Variants in RAD17 observed in about 807,000 individuals in gnomAD.
RAD17 encodes RAD17 checkpoint clamp loader component, also known as cell cycle checkpoint protein RAD17.
In RAD17, 31 loss-of-function variants were observed where a neutral mutation model predicts 81.5. That is an observed-to-expected ratio of 0.38 (90% confidence interval 0.29 to 0.51). The LOEUF is 0.51. RAD17 is among the 20% of genes least tolerant of loss of function. The pLI, the probability that RAD17 is intolerant of heterozygous loss-of-function variation, is 0.88. For missense variants in RAD17, 681 were observed against 781.2 expected, an observed-to-expected ratio of 0.87 and a Z score of 1.53; for synonymous variants, 261 against 266.2, an observed-to-expected ratio of 0.98 and a Z score of 0.19.
Position 69,371,048 on chromosome 5 carries a change from G to A in RAD17, c.-403G>A, listed in dbSNP as rs1762939649. ...CTTCGTCCACAGCAAGTGAATTCAT[G>A]GTATTTTACTTTTTTGGGAAATACT... On this transcript the variant is annotated 5_prime_UTR_variant, in exon 2 of 19. The change abolishes an upstream ATG in the 5' untranslated region. Transcript: ENST00000354868. The A allele has an allele frequency of 2.7e-6, 1 of 371,320 alleles. No homozygotes were observed. Among genetic ancestry groups the A allele is most frequent in the Non-Finnish European group, 5.4e-6 (1 of 185,982 alleles). 23.0% of individuals were successfully genotyped at this position (371,320 alleles called of 1,614,324 possible). A position where few individuals can be genotyped will look rare whatever the true frequency, so the allele number is the denominator to read the frequency against.
At chr5:69,406,244 T>C (rs1328091377) in intron 17 of RAD17, among the ~76,000 whole-genome samples, 1 of 152,118 alleles carries the variant, frequency 6.6e-6, no homozygotes, top group Non-Finnish European at 1.5e-5. Flanking sequence ...TGCAGTAACA[T>C]GGATGAACCT....
At chr5:69,383,742 A>G (rs1283161798) in intron 7 of RAD17, among the ~76,000 whole-genome samples, 2 of 152,124 alleles carry the variant, frequency 1.3e-5, no homozygotes, top group Non-Finnish European at 2.9e-5. Context: ...TGAACTTCTT[A>G]AGCATTTAAG....
chr5:69,371,183 G>A lies in RAD17; in HGVS notation c.-280+12G>A, dbSNP rs765750038. On this transcript the variant is annotated intron_variant, in intron 2 of 18. Transcript: ENST00000354868. ...TTTAATGACAAAAGGTAAGTACATAGTATGTGTGGTTTTTTTGTTTTTTTT... is the reference window on the plus strand; with the variant it reads ...TTTAATGACAAAAGGTAAGTACATAATATGTGTGGTTTTTTTGTTTTTTTT... The A allele has an allele frequency of 2.0e-6, 1 of 501,358 alleles. No homozygotes were observed. The highest frequency in any genetic ancestry group is 1.6e-5 in the South Asian group (1 of 61,736). The allele number at this position is 501,358 out of a possible 1,614,324, so 31.1% of individuals were successfully genotyped here.
chr5:69,369,944 C>T lies in RAD17; in HGVS notation c.-417+11C>T. ...TGCAGCTCCGGGAAAGTAAGGCCGC[C>T]GCGGTTGCGGCTATATTATGTATAT... On this transcript the variant is annotated intron_variant, in intron 1 of 18. Transcript: ENST00000354868. The T allele has an allele frequency of 1.8e-6, 1 of 562,020 alleles. No homozygotes were observed. The highest frequency in any genetic ancestry group is 2.3e-5 in the South Asian group (1 of 43,298). The allele number at this position is 562,020 out of a possible 1,614,324, so 34.8% of individuals were successfully genotyped here.
At chr5:69,376,560 C>T (rs1763345631) in intron 6 of RAD17, among the ~76,000 whole-genome samples, 1 of 152,162 alleles carries the variant, frequency 6.6e-6, no homozygotes, top group Admixed American at 6.5e-5. Context: ...CCTCATATCC[C>T]CTGCCCCAAC....
intron 8 of RAD17, 49 bp downstream of exon 8, chr5:69,384,982 C>G (rs192977113): frequency 7.1e-7 from 1 of 1,410,692 alleles, no homozygotes; most frequent in Non-Finnish European, 9.4e-7. Context: ...GAAATGGAGT[C>G]TTGCTGTGTC....
intron 17 of RAD17, among the ~76,000 whole-genome samples, chr5:69,409,961 TC>T (rs1444879517): frequency 6.6e-6 from 1 of 152,218 alleles, no homozygotes; most frequent in African/African-American, 2.4e-5. Context: ...TAGAATGATG[TC>T]ATCGCAGTTC....
At chr5:69,409,120 C>T (rs1351657601) in intron 17 of RAD17, among the ~76,000 whole-genome samples, 2 of 152,060 alleles carry the variant, frequency 1.3e-5, no homozygotes, top group Non-Finnish European at 2.9e-5. Flanking sequence ...CTTTTTCCTA[C>T]GGACTGCCTC....
At chr5:69,404,674 CAGG>C (rs1189779570) in intron 17 of RAD17, among the ~76,000 whole-genome samples, 1 of 150,256 alleles carries the variant, frequency 6.7e-6, no homozygotes, top group Non-Finnish European at 1.5e-5. Context: ...GAGGCTAAGG[CAGG>C]AGAATTGCTT....
At chr5:69,405,913 A>T (rs139285263) in intron 17 of RAD17, among the ~76,000 whole-genome samples, 219 of 151,740 alleles carry the variant, frequency 1.4e-3, no homozygotes, top group African/African-American at 4.9e-3. Context: ...GTGGTGGTGT[A>T]CTCCTGTAAT....
chr5:69,371,312 G>T, intron 2 of RAD17, 141 bp downstream of exon 2: 4 of 463,770 alleles, frequency 8.6e-6, no homozygotes, highest in South Asian at 3.2e-5. Flanking sequence ...TTGATTTCTT[G>T]TATCACTTAA....
At chr5:69,395,100 C>G (rs1764801908) in intron 15 of RAD17, among the ~76,000 whole-genome samples, 2 of 152,118 alleles carry the variant, frequency 1.3e-5, no homozygotes, top group African/African-American at 4.8e-5. Flanking sequence ...TTAGGAAAGA[C>G]ACAGAAAAAC....
At position 69,374,102 on chromosome 5, in the gene RAD17, G is replaced by A; in HGVS notation, c.267+15G>A. On this transcript the variant is annotated intron_variant, in intron 5 of 18. Coordinates refer to ENST00000354868, the MANE Select transcript of RAD17 (RefSeq NM_133338.3). ...CAGAAACTCAGGTACTGAAAAGCAT[G>A]CAGACATATCTACATAATTTAATTT... 2 of 1,594,366 alleles carry A rather than the reference G, an allele frequency of 1.3e-6. No homozygotes were observed. Among genetic ancestry groups the A allele is most frequent in the Non-Finnish European group, 1.7e-6 (2 of 1,169,576 alleles).
intron 7 of RAD17, chr5:69,384,234 C>G (rs1192931537): frequency 2.6e-5 from 4 of 152,178 alleles, no homozygotes; most frequent in Non-Finnish European, 4.4e-5. Flanking sequence ...TTTAGAGATT[C>G]TTCATTGGGT....
rs1403283172 is a variant in RAD17, at chr5:69,371,476, G to C, written c.-257G>C. 9.2e-7 allele frequency: 1 copy of C among 1,081,274 alleles called. No individual in the cohort carries two copies. The highest frequency in any genetic ancestry group is 1.3e-6 in the Non-Finnish European group (1 of 793,228). The allele number at this position is 1,081,274 out of a possible 1,614,324, so 67.0% of individuals were successfully genotyped here. A position where few individuals can be genotyped will look rare whatever the true frequency, so the allele number is the denominator to read the frequency against. On this transcript the variant is annotated 5_prime_UTR_variant, in exon 3 of 19. Coordinates refer to ENST00000354868, the MANE Select transcript of RAD17 (RefSeq NM_133338.3). ...CAGGTGAATTATAGTTTAATGTACT[G>C]CAAGTCCTAAACTACGGATGGGAAC...
chr5:69,382,866 C>G (rs1763942199), intron 7 of RAD17, among the ~76,000 whole-genome samples: 1 of 151,992 alleles, frequency 6.6e-6, no homozygotes, highest in South Asian at 2.1e-4. Flanking sequence ...GGAGTACAAC[C>G]TCTGCCTCCC....
intron 6 of RAD17, among the ~76,000 whole-genome samples, chr5:69,378,192 TC>T (rs1763633642): frequency 6.6e-6 from 1 of 152,212 alleles, no homozygotes; most frequent in Admixed American, 6.5e-5. Context: ...TCTAGATTTA[TC>T]AATGGGCAAA....
intron 8 of RAD17, among the ~76,000 whole-genome samples, chr5:69,385,818 A>G (rs1028094503): frequency 2.6e-5 from 4 of 152,204 alleles, no homozygotes; most frequent in African/African-American, 4.8e-5. Flanking sequence ...TCCTAGTGAA[A>G]ATACTGTAAC....
rs1764201200 is a variant in RAD17 at position 69,386,183 on chromosome 5, GTA to G, written c.704_705del (p.Tyr235CysfsTer20). On this transcript the variant is annotated frameshift_variant, in exon 10 of 19. Coordinates refer to ENST00000354868, the MANE Select transcript of RAD17 (RefSeq NM_133338.3). LOFTEE classifies it high-confidence loss of function. ...SHTLHEVLRKYVRIGRCPLIF... is the reference protein window; with the variant it reads ...SHTLHEVLRKXVRIGRCPLIF... Reference sequence around the variant, plus strand: ...TTGCTGTATTTTGTTATTTTAGGAAGTATGTGAGGATTGGTCGATGTCCTCTT... The same window carrying G: ...TTGCTGTATTTTGTTATTTTAGGAAGTGTGAGGATTGGTCGATGTCCTCTT... The G allele has an allele frequency of 6.2e-7, 1 of 1,603,392 alleles. No homozygotes were observed. The highest frequency in any genetic ancestry group is 1.3e-5 in the African/African-American group (1 of 74,674).
Sources: gnomAD v4.1 joint callset for allele counts (sites outside exome capture counted in the v4.1 genomes callset) on GRCh38, gnomAD v4.1.1 for gene constraint, MANE v1.5 for transcripts, NCBI Gene and HGNC (gene_info 2026-07-23, HGNC 2026-07-21) for gene names.